CELF2: variants seen among roughly 807,000 people sequenced by gnomAD.
The protein encoded by CELF2 is CUG triplet repeat RNA-binding protein 2.
In CELF2, 8 loss-of-function variants were observed where a neutral mutation model predicts 62.6. The ratio of observed to expected loss-of-function variants is 0.13; its 90% CI spans 0.07 to 0.23. CELF2 has a LOEUF of 0.23. Ranked by LOEUF, CELF2 falls within the 10% of genes least tolerant of loss-of-function variation. CELF2 has a pLI of 1.00. For missense variants in CELF2, 333 were observed against 671.0 expected (o/e 0.50, Z 5.56); for synonymous variants, 258 against 250.0 (o/e 1.03, Z -0.30).
the CELF2 span, among the ~76,000 whole-genome samples, chr10:10,654,690 A>T: frequency 1.0e-5 from 1 of 99,384 alleles, no homozygotes; most frequent in African/African-American, 4.2e-5. Flanking sequence ...AAAAACTCTC[A>T]ATAAATTAGG....
Position 11,328,898 on chromosome 10 carries a change from G to A in CELF2, c.1439-28G>A, listed in dbSNP as rs1017627371. ...GTTTTCTGCTGGGCTTCCTCTCCAG[G>A]CTGACTCCCTCTCTCGGTATTTTCC... On this transcript the variant is annotated intron_variant, in intron 12 of 12. Coordinates refer to ENST00000633077, the MANE Select transcript of CELF2 (RefSeq NM_001326342.2). The surrounding 1 kb of genome is among the most constrained non-coding windows in gnomAD (Gnocchi z 6.4). 2.5e-6 allele frequency: 4 copies of A among 1,596,582 alleles called. No homozygotes were observed. The Admixed American group carries it at 5.1e-5, about 20-fold the overall frequency.
chr10:10,520,640 C>T, the CELF2 span, among the ~76,000 whole-genome samples: 231 of 152,026 alleles, frequency 1.5e-3, no homozygotes, highest in African/African-American at 5.4e-3. Context: ...GAACAGCAGC[C>T]GGAAAGCCAA....
the CELF2 span, among the ~76,000 whole-genome samples, chr10:10,775,412 T>A: frequency 2.0e-5 from 3 of 152,080 alleles, no homozygotes; most frequent in Non-Finnish European, 4.4e-5. Flanking sequence ...AGGCAATGAC[T>A]TCAGATCAGG....
chr10:10,796,808 T>C (rs1245544746), upstream of CELF2: 9 of 759,302 alleles, frequency 1.2e-5, no homozygotes, highest in Non-Finnish European at 1.4e-5. Context: ...ATGTAAATGT[T>C]TGCACATGAT....
the CELF2 span, among the ~76,000 whole-genome samples, chr10:10,565,174 G>A: frequency 1.3e-5 from 2 of 152,202 alleles, no homozygotes; most frequent in African/African-American, 4.8e-5. Context: ...CAGTCAAGTG[G>A]CCCAGGCTAT....
At chr10:11,273,724 T>G (rs2084799194) in intron 7 of CELF2, among the ~76,000 whole-genome samples, 4 of 142,582 alleles carry the variant, frequency 2.8e-5, no homozygotes, top group Admixed American at 6.9e-5. Context: ...TGTTTTTTTG[T>G]TTTTTTGTTT....
intron 2 of CELF2, among the ~76,000 whole-genome samples, chr10:10,959,789 T>C (rs2049289039): frequency 6.6e-6 from 1 of 152,238 alleles, no homozygotes; most frequent in Admixed American, 6.5e-5. Flanking sequence ...GGAAATGACC[T>C]TAGATTATTT....
chr10:10,861,636 C>T (rs1261728840), intron 1 of CELF2, among the ~76,000 whole-genome samples: 1 of 152,138 alleles, frequency 6.6e-6, no homozygotes, highest in African/African-American at 2.4e-5. Context: ...TATGCCTTCC[C>T]AACCCCACTC....
chr10:10,837,887 C>A (rs1034366984), intron 1 of CELF2, among the ~76,000 whole-genome samples: 1 of 152,122 alleles, frequency 6.6e-6, no homozygotes, highest in Non-Finnish European at 1.5e-5. Flanking sequence ...ATTCTATCAA[C>A]CCCACATCCA....
chr10:10,849,982 A>C (rs1213333079), intron 1 of CELF2, among the ~76,000 whole-genome samples: 1 of 148,362 alleles, frequency 6.7e-6, no homozygotes, highest in Non-Finnish European at 1.5e-5. Context: ...CTCTACTAAA[A>C]ATACGAAAAA....
the CELF2 span, among the ~76,000 whole-genome samples, chr10:10,669,408 C>G: frequency 2.0e-5 from 3 of 152,160 alleles, no homozygotes; most frequent in Non-Finnish European, 4.4e-5. Flanking sequence ...AGAATTGAGA[C>G]AGAGAGAGAC....
intron 3 of CELF2, among the ~76,000 whole-genome samples, chr10:11,222,390 A>G (rs1430414180): frequency 6.6e-6 from 1 of 152,196 alleles, no homozygotes; most frequent in East Asian, 1.9e-4. Context: ...TTCTCCTGAA[A>G]CCATCCCATT....
At chr10:10,726,005 C>T in the CELF2 span, among the ~76,000 whole-genome samples, 2 of 151,988 alleles carry the variant, frequency 1.3e-5, no homozygotes, top group Non-Finnish European at 2.9e-5. Flanking sequence ...GCCAGAAGGA[C>T]TCATTCTTGC....
intron 1 of CELF2, among the ~76,000 whole-genome samples, chr10:10,904,376 G>A (rs939324230): frequency 1.3e-5 from 2 of 151,904 alleles, no homozygotes; most frequent in Non-Finnish European, 2.9e-5. Context: ...ACCGGCATGT[G>A]TCACCATGCC....
chr10:10,904,165 C>G (rs2063149488), intron 1 of CELF2, among the ~76,000 whole-genome samples: 1 of 152,090 alleles, frequency 6.6e-6, no homozygotes, highest in Non-Finnish European at 1.5e-5. Context: ...TAAACTGAAC[C>G]ATATTATTCT....
At chr10:10,723,280 G>A in the CELF2 span, among the ~76,000 whole-genome samples, 6 of 152,208 alleles carry the variant, frequency 3.9e-5, no homozygotes, top group Admixed American at 6.5e-5. Flanking sequence ...TAAAGTAAAC[G>A]TCAACTATGT....
the CELF2 span, among the ~76,000 whole-genome samples, chr10:10,748,947 A>G: frequency 6.6e-6 from 1 of 152,004 alleles, no homozygotes; most frequent in African/African-American, 2.4e-5. Flanking sequence ...GGTGAGTGAG[A>G]TGAGAATGTC....
At chr10:11,245,806 T>C (rs2075415046) in intron 3 of CELF2, among the ~76,000 whole-genome samples, 1 of 152,210 alleles carries the variant, frequency 6.6e-6, no homozygotes, top group South Asian at 2.1e-4. Context: ...CGAGTGTGTG[T>C]CTGCCCTCTT....
chr10:11,172,765 G>A (rs2069362828), intron 2 of CELF2, among the ~76,000 whole-genome samples: 1 of 152,184 alleles, frequency 6.6e-6, no homozygotes, highest in Non-Finnish European at 1.5e-5. Flanking sequence ...ATTACTCCTG[G>A]CCGCTTTTAA....
Sources: gnomAD v4.1 joint callset for allele counts (sites outside exome capture counted in the v4.1 genomes callset) on GRCh38, gnomAD v4.1.1 for gene constraint, Gnocchi (gnomAD v3.1) non-coding constraint, MANE v1.5 for transcripts, NCBI Gene and HGNC (gene_info 2026-07-23, HGNC 2026-07-21) for gene names.